The following ATP1A4 variants were observed in gnomAD, a reference collection of about 807,000 sequenced individuals.
ATP1A4 encodes ATPase Na+/K+ transporting subunit alpha 4, also known as sodium/potassium-transporting ATPase subunit alpha-4.
Under a neutral mutation model 114.3 loss-of-function variants are expected in ATP1A4, and 90 were observed. The observed-to-expected ratio is 0.79, with a 90% confidence interval of 0.66 to 0.94. The LOEUF (loss-of-function observed/expected upper bound fraction) is 0.94, where lower values mean the gene tolerates loss of function less well. ATP1A4 is among the 40% of genes least tolerant of loss of function. The pLI, the probability that ATP1A4 is intolerant of heterozygous loss-of-function variation, is 0.00. For missense variants in ATP1A4, 1,222 were observed against 1,313.6 expected, an observed-to-expected ratio of 0.93 and a Z score of 1.08; for synonymous variants, 511 against 494.1, an observed-to-expected ratio of 1.03 and a Z score of -0.45.
intron 12 of ATP1A4, 104 bp downstream of exon 12, chr1:160,171,861 G>T: frequency 8.5e-7 from 1 of 1,170,624 alleles, no homozygotes; most frequent in Non-Finnish European, 1.2e-6. Context: ...GTTTAATTGA[G>T]CGGATTTCTG....
chr1:160,173,980 T>A, intron 13 of ATP1A4, 131 bp from the exon 14 acceptor site: 2 of 1,212,652 alleles, frequency 1.6e-6, no homozygotes, highest in Admixed American at 5.1e-5. Context: ...TTGGGGACAA[T>A]ATAGGGCTAG....
Position 160,171,567 on chromosome 1 carries a change from C to G in ATP1A4, c.1682-18C>G, listed in dbSNP as rs755453436. The G allele has an allele frequency of 1.9e-6, 3 of 1,611,312 alleles. No individual in the cohort carries two copies. In the South Asian group the frequency reaches 3.3e-5, roughly 18 times the overall value. ...GAGTGCTGGATGACTACTGGTCCCT[C>G]CCTCTGTCTCTCTCCAGGCTTCTGC... is the stretch of plus-strand genomic sequence containing the variant. On this transcript the variant is annotated intron_variant, in intron 11 of 21. Transcript: ENST00000368081.
At chr1:160,154,949 A>G in intron 2 of ATP1A4, 96 bp from the exon 3 acceptor site, 2 of 1,180,832 alleles carry the variant, frequency 1.7e-6, no homozygotes, top group Non-Finnish European at 2.5e-6. Flanking sequence ...TTTAGTCTCT[A>G]GACCCATTCT....
At chr1:160,180,672 T>TC in intron 18 of ATP1A4, among the ~76,000 whole-genome samples, 1 of 146,158 alleles carries the variant, frequency 6.8e-6, no homozygotes, top group East Asian at 2.0e-4. Context: ...CTGACCTATA[T>TC]CCCCTGACTC....
intron 14 of ATP1A4, 90 bp downstream of exon 14, chr1:160,174,351 G>T: frequency 6.4e-7 from 1 of 1,558,766 alleles, no homozygotes; most frequent in South Asian, 1.2e-5. Context: ...TGTGGGCTGG[G>T]CTAGAGGAGA....
chr1:160,166,768 G>A (rs1201202181), intron 8 of ATP1A4, 42 bp downstream of exon 8: 1 of 1,611,842 alleles, frequency 6.2e-7, no homozygotes, highest in East Asian at 2.2e-5. Context: ...AGGGATTTGG[G>A]GGATGTGATG....
intron 18 of ATP1A4, among the ~76,000 whole-genome samples, chr1:160,180,451 T>C (rs1653641552): frequency 6.6e-6 from 1 of 152,184 alleles, no homozygotes; most frequent in African/African-American, 2.4e-5. Flanking sequence ...TGTGTTCCCA[T>C]AGCCCTCTGC....
At chr1:160,172,309 G>A (rs528378128) in intron 12 of ATP1A4, among the ~76,000 whole-genome samples, 4 of 152,190 alleles carry the variant, frequency 2.6e-5, no homozygotes, top group Non-Finnish European at 5.9e-5. Context: ...GCGGTAAAAG[G>A]GTGAGGCTAG....
intron 4 of ATP1A4, among the ~76,000 whole-genome samples, chr1:160,157,653 A>G (rs1301192696): frequency 1.3e-5 from 2 of 152,202 alleles, no homozygotes; most frequent in Non-Finnish European, 2.9e-5. Flanking sequence ...TGCACAATGA[A>G]GTTTTTAAGA....
intron 3 of ATP1A4, among the ~76,000 whole-genome samples, 190 bp downstream of exon 3, chr1:160,155,438 GATTA>G (rs1480099469): frequency 6.6e-6 from 1 of 151,636 alleles, no homozygotes; most frequent in Non-Finnish European, 1.5e-5. Context: ...CAATGTAATT[GATTA>G]ATTACATTGT....
intron 4 of ATP1A4, among the ~76,000 whole-genome samples, chr1:160,156,379 C>T (rs1652666350): frequency 2.7e-5 from 4 of 147,390 alleles, no homozygotes; most frequent in Admixed American, 2.1e-4. Flanking sequence ...ATCTAGAAGG[C>T]AGAATCTGAA....
rs866515932 is a variant in ATP1A4, at chr1:160,176,662, G to A, written c.2590+60G>A. ...GGAGTGGTTTCCCCTGCCTGGCAAC[G>A]TGAGCCATCTCAGTTTGGAAGTCAG... On this transcript the variant is annotated intron_variant, in intron 17 of 21. Transcript: ENST00000368081. 4.0e-5 allele frequency: 64 copies of A among 1,592,890 alleles called. No individual in the cohort carries two copies. In the Middle Eastern group the frequency reaches 7.3e-4, roughly 18 times the overall value.
At chr1:160,161,944 T>C (rs147568409) in intron 6 of ATP1A4, among the ~76,000 whole-genome samples, 4 of 152,334 alleles carry the variant, frequency 2.6e-5, no homozygotes, top group Admixed American at 6.5e-5. Context: ...TGAGTCTATA[T>C]TGGTCCTACT....
In ATP1A4 at chr1:160,177,608, C is replaced by T. The variant is rs757352958; in HGVS notation, c.2680C>T (p.Leu894Phe). The T allele has an allele frequency of 2.5e-6, 4 of 1,614,194 alleles. No homozygotes were observed. The highest frequency in any genetic ancestry group is 2.5e-6 in the Non-Finnish European group (3 of 1,180,046). The change falls in exon 18 of 22, where the codon CTC becomes TTC. Residue 894 changes from leucine (L) to phenylalanine (F), a missense_variant. Physicochemically the swap from Leu to Phe is conservative, Grantham distance 22 (BLOSUM62 0). Transcript: ENST00000368081. ...GCCTGTTGATCTGCTGGGCATCCGC[C>T]TCCACTGGGAAGATAAATACTTGAA... ...FRPVDLLGIR[L>F]HWEDKYLNDL...
intron 12 of ATP1A4, among the ~76,000 whole-genome samples, chr1:160,173,134 C>T (rs942521683): frequency 4.6e-5 from 7 of 152,108 alleles, no homozygotes; most frequent in Non-Finnish European, 8.8e-5. Flanking sequence ...AACCAAGGCA[C>T]AGGGTGAGGC....
At chr1:160,158,126 C>T (rs1446609073) in intron 4 of ATP1A4, among the ~76,000 whole-genome samples, 1 of 152,170 alleles carries the variant, frequency 6.6e-6, no homozygotes, top group African/African-American at 2.4e-5. Flanking sequence ...ACAAACTACC[C>T]TAAAACTTAG....
chr1:160,177,743 TA>T (rs1653532884), intron 18 of ATP1A4, 79 bp downstream of exon 18: 1 of 1,539,158 alleles, frequency 6.5e-7, no homozygotes, highest in Non-Finnish European at 8.9e-7. Context: ...GCAAATTTTT[TA>T]AGAGAGAAGA....
chr1:160,164,769 C>T (rs371925635), intron 7 of ATP1A4, among the ~76,000 whole-genome samples: 13 of 152,156 alleles, frequency 8.5e-5, no homozygotes, highest in African/African-American at 3.1e-4. Context: ...ATTATAGAAT[C>T]CTACAGGAAA....
rs922693669 is a variant in ATP1A4, at chr1:160,174,104, C to T, written c.1992-7C>T. The T allele has an allele frequency of 4.3e-6, 7 of 1,612,034 alleles. No individual in the cohort carries two copies. In the Admixed American group the frequency reaches 6.7e-5, roughly 15 times the overall value. ...AAAACTAGCCTTTTGAAATTATTTT[C>T]CCTCAGTGCTGCCAAAGCCATTGTG... is the stretch of plus-strand genomic sequence containing the variant. On this transcript the variant is annotated splice_region_variant and splice_polypyrimidine_tract_variant and intron_variant, in intron 13 of 21. Coordinates refer to ENST00000368081, the MANE Select transcript of ATP1A4 (RefSeq NM_144699.4).
Sources: allele counts gnomAD v4.1 joint callset (sites outside exome capture counted in the v4.1 genomes callset), GRCh38; gene constraint gnomAD v4.1.1; transcripts MANE v1.5; gene names NCBI Gene and HGNC (gene_info 2026-07-23, HGNC 2026-07-21).